The following PIN4 variants were observed in gnomAD, a reference collection of about 807,000 sequenced individuals.
The protein encoded by PIN4 is peptidyl-prolyl cis-trans isomerase NIMA-interacting 4.
A neutral mutation model predicts 8.3 loss-of-function variants in PIN4; 3 were observed. The observed-to-expected ratio is 0.36, with a 90% CI of 0.16 to 0.93. The LOEUF is 0.93. Ranked by LOEUF, PIN4 falls within the 40% of genes least tolerant of loss-of-function variation. PIN4 has a pLI of 0.44. For missense variants in PIN4, 75 were observed against 100.6 expected (o/e 0.75, Z 1.09); for synonymous variants, 18 against 32.5 (o/e 0.55, Z 1.52).
rs184706636 is a variant in PIN4, at chrX:72,194,175, G to A, written c.118-2610G>A. 3.7e-3 allele frequency among the ~76,000 whole-genome samples: 404 copies of A among 109,889 alleles called. 6 individuals are homozygous for A. Among genetic ancestry groups the A allele is most frequent in the African/African-American group, 0.013 (387 of 30,068 alleles). On this transcript the variant is annotated intron_variant, in intron 2 of 3. Transcript: ENST00000373669. ...AGCACTTTGGGAGGTCAAGGCGGGT[G>A]GATCACTTGAGGTCAGGAGTTCGAG...
At chrX:72,236,112 T>C (rs957895516) in intron 3 of PIN4, among the ~76,000 whole-genome samples, 20 of 110,442 alleles carry the variant, frequency 1.8e-4, no homozygotes, top group African/African-American at 6.6e-4. Context: ...AGGTAGAAGA[T>C]GGAGAGTAGA....
chrX:72,214,375 A>G (rs778635075), intron 3 of PIN4, among the ~76,000 whole-genome samples: 1 of 112,513 alleles, frequency 8.9e-6, no homozygotes, highest in African/African-American at 3.2e-5. Context: ...AGTCAAAAAA[A>G]CAAACAATGT....
intron 3 of PIN4, chrX:72,207,409 T>C: frequency 8.3e-7 from 1 of 1,211,404 alleles, no homozygotes; most frequent in Non-Finnish European, 1.1e-6. Flanking sequence ...CATCAATGTG[T>C]CATCAGTTAC....
intron 2 of PIN4, among the ~76,000 whole-genome samples, chrX:72,189,735 C>T (rs749771552): frequency 5.4e-5 from 6 of 111,416 alleles, no homozygotes; most frequent in Admixed American, 1.9e-4. Context: ...TTCCCAAATC[C>T]GAAACACTCT....
At chrX:72,227,562 C>T (rs1028563478) in intron 3 of PIN4, among the ~76,000 whole-genome samples, 1 of 111,569 alleles carries the variant, frequency 9.0e-6, no homozygotes, top group Non-Finnish European at 1.9e-5. Context: ...AACACCACCT[C>T]TACCAACTCC....
Position 72,249,622 on chromosome X carries a change from G to T in PIN4, c.313-13085G>T, listed in dbSNP as rs758736584. On this transcript the variant is annotated intron_variant, in intron 3 of 3. Coordinates refer to the PIN4 transcript ENST00000423432. ...AAATGAACTACTGATCCTCAGGGCA[G>T]TAGGATGAACCTCAAGGGCATTATA... Among the ~76,000 whole-genome samples, 500 of 112,129 alleles carry T rather than the reference G, an allele frequency of 4.5e-3. 2 individuals carry two copies. The highest frequency in any genetic ancestry group is 0.015 in the African/African-American group (461 of 30,878).
intron 3 of PIN4, among the ~76,000 whole-genome samples, chrX:72,239,957 T>A (rs1200534348): frequency 9.3e-6 from 1 of 107,249 alleles, no homozygotes; most frequent in Non-Finnish European, 1.9e-5. Flanking sequence ...TATGCTGTAT[T>A]TATTTTCTTA....
At chrX:72,230,368 C>CCTCCT (rs1196502775) in intron 3 of PIN4, among the ~76,000 whole-genome samples, 18 of 109,606 alleles carry the variant, frequency 1.6e-4, no homozygotes, top group African/African-American at 6.0e-4. Context: ...CCCAAGATAA[C>CCTCCT]CTCCTCTCCT....
chrX:72,230,131 C>G (rs779999501), intron 3 of PIN4, among the ~76,000 whole-genome samples: 2 of 108,819 alleles, frequency 1.8e-5, no homozygotes, highest in African/African-American at 6.7e-5. Flanking sequence ...GCCGAGATTG[C>G]GCCACTGCAC....
chrX:72,222,282 T>C (rs2042927870), intron 3 of PIN4, among the ~76,000 whole-genome samples: 2 of 111,935 alleles, frequency 1.8e-5, no homozygotes, highest in African/African-American at 6.5e-5. Flanking sequence ...ACCCAATCCT[T>C]TAATTTAACT....
chrX:72,203,336 C>G (rs1054319384), downstream of PIN4, among the ~76,000 whole-genome samples: 1 of 111,888 alleles, frequency 8.9e-6, no homozygotes, highest in African/African-American at 3.3e-5. Flanking sequence ...ATAAGCTATT[C>G]TAGCAAACTA....
intron 3 of PIN4, chrX:72,207,076 G>C (rs1238414796): frequency 2.5e-6 from 3 of 1,211,653 alleles, no homozygotes; most frequent in Non-Finnish European, 3.3e-6. Flanking sequence ...CACAGCTTGA[G>C]CATCAGTTGC....
chrX:72,248,207 G>C (rs1452243610), intron 3 of PIN4, among the ~76,000 whole-genome samples: 1 of 100,353 alleles, frequency 1.0e-5, no homozygotes, highest in Non-Finnish European at 2.0e-5. Context: ...TCAGTGAGCA[G>C]ATAGGCAGCC....
At chrX:72,204,889 G>A (rs1046451074) in intron 3 of PIN4, 45 of 536,354 alleles carry the variant, frequency 8.4e-5, no homozygotes, top group Non-Finnish European at 1.3e-4. Flanking sequence ...CAGGGCAGAA[G>A]TTGCTTTTTG....
At chrX:72,258,470 T>C (rs975553474) in intron 3 of PIN4, among the ~76,000 whole-genome samples, 1 of 111,896 alleles carries the variant, frequency 8.9e-6, no homozygotes, top group Non-Finnish European at 1.9e-5. Flanking sequence ...CCAAAAGGCC[T>C]CGTGAACCAT....
chrX:72,217,539 G>C, intron 3 of PIN4, among the ~76,000 whole-genome samples: 1 of 111,333 alleles, frequency 9.0e-6, no homozygotes, highest in Admixed American at 9.6e-5. Flanking sequence ...TATCCTAAGA[G>C]GCCCAGGCCA....
At chrX:72,214,902 G>T (rs1028713812) in intron 3 of PIN4, among the ~76,000 whole-genome samples, 1 of 106,839 alleles carries the variant, frequency 9.4e-6, no homozygotes, top group African/African-American at 3.4e-5. Flanking sequence ...CAGGAAAATC[G>T]CTTGAACTCA....
intron 3 of PIN4, among the ~76,000 whole-genome samples, chrX:72,220,569 A>G (rs777099978): frequency 9.0e-6 from 1 of 111,158 alleles, no homozygotes; most frequent in Non-Finnish European, 1.9e-5. Flanking sequence ...TGCTAGCCCC[A>G]AGATAACCCC....
intron 3 of PIN4, among the ~76,000 whole-genome samples, chrX:72,226,278 A>T (rs367779070): frequency 1.8e-5 from 2 of 111,782 alleles, no homozygotes; most frequent in East Asian, 5.7e-4. Context: ...TATAGATGGC[A>T]GTGCATCAGA....
Sources: allele counts gnomAD v4.1 joint callset (sites outside exome capture counted in the v4.1 genomes callset), GRCh38; gene constraint gnomAD v4.1.1; transcripts MANE v1.5; gene names NCBI Gene and HGNC (gene_info 2026-07-23, HGNC 2026-07-21).